Variants in ZNF644 observed in about 807,000 individuals in gnomAD.
ZNF644 encodes the protein zinc finger motif enhancer binding protein 2.
Under a neutral mutation model 108.0 loss-of-function variants are expected in ZNF644, and 20 were observed. The observed-to-expected ratio is 0.19, with a 90% confidence interval of 0.13 to 0.27. The LOEUF (loss-of-function observed/expected upper bound fraction) is 0.27. Ranked by LOEUF, ZNF644 falls within the 10% of genes least tolerant of loss-of-function variation. The pLI is 1.00. For missense variants in ZNF644, 1,338 were observed against 1,548.9 expected (o/e 0.86, Z 2.29); for synonymous variants, 542 against 539.1 (o/e 1.01, Z -0.08).
At chr1:90,922,882 T>C (rs757826390) in intron 4 of ZNF644, among the ~76,000 whole-genome samples, 19 of 152,134 alleles carry the variant, frequency 1.2e-4, no homozygotes, top group Non-Finnish European at 2.4e-4. Context: ...ATTATAACTG[T>C]TGTCACTAAT....
In ZNF644 at chr1:90,918,147, A is replaced by C; in HGVS notation, c.3696T>G (p.Asp1232Glu). Reference protein sequence around the residue: ...KMDLTMHSALDCKQKKSRSRS... With the variant: ...KMDLTMHSALECKQKKSRSRS... ...TTGACCTTGATTTCTTTTGCTTACA[A>C]TCTAAGGCTAAAAAGGGGAAGAGAA... Residue 1232 changes from aspartate (D) to glutamate (E), a missense_variant, in exon 5 of 6, where the codon GAT (aspartate) becomes GAG (glutamate). Physicochemically the swap from Asp to Glu is conservative, Grantham distance 45. Transcript: ENST00000337393. 1 of 1,613,358 alleles carries C rather than the reference A, an allele frequency of 6.2e-7. No individual in the cohort carries two copies. Among genetic ancestry groups the C allele is most frequent in the South Asian group, 1.1e-5 (1 of 91,068 alleles).
intron 2 of ZNF644, among the ~76,000 whole-genome samples, chr1:90,965,675 G>A (rs1397565302): frequency 2.0e-5 from 3 of 152,060 alleles, no homozygotes; most frequent in Non-Finnish European, 4.4e-5. Context: ...AGCAAAAAAG[G>A]ACTGAATTTT....
chr1:91,007,623 C>T lies in ZNF644; in HGVS notation c.-18+14367G>A, dbSNP rs1283768102. Among the ~76,000 whole-genome samples the T allele has an allele frequency of 5.3e-5, 8 of 152,258 alleles. No homozygotes were observed. In the East Asian group the frequency reaches 7.7e-4, roughly 15 times the overall value. ...TCCTCCTCCGTGGGAGTTTTCTCAA[C>T]TTTATCTTCCAACCCTCTAAGAATT... On this transcript the variant is annotated intron_variant, in intron 1 of 5. Transcript: ENST00000337393.
intron 2 of ZNF644, among the ~76,000 whole-genome samples, chr1:90,960,111 G>T (rs111379069): frequency 6.6e-6 from 1 of 151,998 alleles, no homozygotes; most frequent in Non-Finnish European, 1.5e-5. Flanking sequence ...ACTTAATAAT[G>T]GTCCCAAAGC....
intron 1 of ZNF644, among the ~76,000 whole-genome samples, chr1:91,010,395 C>T (rs991901463): frequency 2.0e-5 from 3 of 150,892 alleles, no homozygotes; most frequent in East Asian, 1.9e-4. Context: ...CCCACCATCA[C>T]GCTTGGCTAA....
chr1:90,954,328 C>G lies in ZNF644; in HGVS notation c.45-13019G>C, dbSNP rs767381768. The stretch of plus-strand genomic sequence containing the variant: ...GAGTAGACTCCCTCTCAAGAAACCA[C>G]TTTCTTCGCTAGAGAAGCAACTTCT... On this transcript the variant is annotated intron_variant, in intron 2 of 5. Coordinates refer to ENST00000337393, the MANE Select transcript of ZNF644 (RefSeq NM_201269.3). Among the ~76,000 whole-genome samples the G allele has an allele frequency of 2.2e-4, 34 of 152,300 alleles. 1 individual carries two copies. Among genetic ancestry groups the G allele is most frequent in the Middle Eastern group, 6.8e-3 (2 of 294 alleles).
chr1:90,971,066 G>A (rs2101291191), intron 2 of ZNF644, among the ~76,000 whole-genome samples: 1 of 151,158 alleles, frequency 6.6e-6, no homozygotes, highest in Middle Eastern at 3.5e-3. Flanking sequence ...CTGTAGTATG[G>A]CTTTATTATG....
At chr1:90,955,901 G>C (rs779016847) in intron 2 of ZNF644, among the ~76,000 whole-genome samples, 1 of 152,178 alleles carries the variant, frequency 6.6e-6, no homozygotes, top group Non-Finnish European at 1.5e-5. Context: ...CTTTTGGCCT[G>C]TCTCATCTTG....
intron 2 of ZNF644, among the ~76,000 whole-genome samples, chr1:90,977,110 T>C (rs1206636267): frequency 6.7e-6 from 1 of 149,784 alleles, no homozygotes; most frequent in Non-Finnish European, 1.5e-5. Context: ...TTATCATACA[T>C]AATAAGGATA....
chr1:91,006,556 A>G (rs908479037), intron 1 of ZNF644, among the ~76,000 whole-genome samples: 6 of 152,226 alleles, frequency 3.9e-5, no homozygotes, highest in African/African-American at 1.4e-4. Flanking sequence ...TATTGCCCTC[A>G]TACCAAAATC....
intron 4 of ZNF644, among the ~76,000 whole-genome samples, chr1:90,926,212 ACT>A (rs1201737491): frequency 2.0e-5 from 3 of 152,112 alleles, no homozygotes; most frequent in African/African-American, 7.2e-5. Flanking sequence ...ATGCCTATGA[ACT>A]CTGTTTCACC....
At chr1:90,952,905 A>G (rs1173325614) in intron 2 of ZNF644, among the ~76,000 whole-genome samples, 2 of 151,986 alleles carry the variant, frequency 1.3e-5, no homozygotes, top group African/African-American at 4.8e-5. Flanking sequence ...AACTACACTT[A>G]GATACATCAC....
intron 2 of ZNF644, among the ~76,000 whole-genome samples, chr1:90,971,778 G>A (rs1011740737): frequency 7.9e-5 from 12 of 152,106 alleles, no homozygotes; most frequent in African/African-American, 2.9e-4. Flanking sequence ...CTTAGGGGAG[G>A]GGATGAGGAG....
In ZNF644 at chr1:90,940,803, G is replaced by C. The variant is rs768607138; in HGVS notation, c.551C>G (p.Ala184Gly). Residue 184 changes from alanine to glycine, a missense_variant, in exon 3 of 6, where the codon GCT (alanine) becomes GGT (glycine). Around this residue, in one of 6 missense-constraint regions of ZNF644, gnomAD observed 464 missense variants for 457.9 expected, o/e 1.01. Transcript: ENST00000337393. ...TTTATTGGAATGGGTGGGATTCTTAGCATGTGCTACATCTGATAACAAAAA... is the reference window on the plus strand; with the variant it reads ...TTTATTGGAATGGGTGGGATTCTTACCATGTGCTACATCTGATAACAAAAA... ...VLFLLSDVAH[A>G]KNPTHSNKKL... The C allele has an allele frequency of 6.2e-7, 1 of 1,613,922 alleles. No individual in the cohort carries two copies. The highest frequency in any genetic ancestry group is 8.5e-7 in the Non-Finnish European group (1 of 1,179,958).
chr1:90,985,208 A>G (rs767580945), intron 1 of ZNF644, among the ~76,000 whole-genome samples: 8 of 152,140 alleles, frequency 5.3e-5, no homozygotes, highest in Non-Finnish European at 1.2e-4. Flanking sequence ...TGTATATATT[A>G]TCTATTTATG....
intron 1 of ZNF644, among the ~76,000 whole-genome samples, chr1:90,986,502 A>G (rs1461724468): frequency 5.3e-5 from 8 of 152,184 alleles, no homozygotes; most frequent in Admixed American, 2.6e-4. Context: ...TGGTTCATTA[A>G]CTGTAACAAA....
chr1:90,991,237 A>T lies in ZNF644; in HGVS notation c.-17-8867T>A, dbSNP rs1657605257. 1.3e-5 allele frequency among the ~76,000 whole-genome samples: 2 copies of T among 152,246 alleles called. 1 individual carries two copies. Among genetic ancestry groups the T allele is most frequent in the South Asian group, 4.1e-4 (2 of 4,830 alleles). On this transcript the variant is annotated intron_variant, in intron 1 of 5. Transcript: ENST00000337393. Reference sequence around the variant, plus strand: ...ATTAAAGGCACAAAGAGTTATCACTACACAGCTATAAGAATGGCTAAATTA... The same window carrying T: ...ATTAAAGGCACAAAGAGTTATCACTTCACAGCTATAAGAATGGCTAAATTA...
chr1:90,953,680 T>C (rs1165875663), intron 2 of ZNF644, among the ~76,000 whole-genome samples: 1 of 152,112 alleles, frequency 6.6e-6, no homozygotes, highest in African/African-American at 2.4e-5. Flanking sequence ...TTTGGGAGGC[T>C]GAGGCGGATG....
chr1:90,989,851 C>T (rs891879027), intron 1 of ZNF644, among the ~76,000 whole-genome samples: 1 of 152,148 alleles, frequency 6.6e-6, no homozygotes, highest in South Asian at 2.1e-4. Context: ...AATCTCAAAA[C>T]GATATTTACA....
Sources: allele counts gnomAD v4.1 joint callset (sites outside exome capture counted in the v4.1 genomes callset), GRCh38; gene constraint gnomAD v4.1.1; regional missense constraint gnomAD v4.1.1; transcripts MANE v1.5; gene names NCBI Gene and HGNC (gene_info 2026-07-23, HGNC 2026-07-21).